PDE1A: variants seen among roughly 807,000 people sequenced by gnomAD.
PDE1A encodes phosphodiesterase 1A.
PDE1A carries 35 observed loss-of-function variants against 61.7 expected under a neutral mutation model. That is an observed-to-expected ratio of 0.57 (90% CI 0.43 to 0.75). PDE1A has a LOEUF of 0.75. PDE1A is among the 30% of genes least tolerant of loss of function. PDE1A has a pLI of 0.00. For synonymous variants in PDE1A, 232 were observed against 213.2 expected (o/e 1.09, Z -0.77); for missense variants, 597 against 630.6 (o/e 0.95, Z 0.57).
At chr2:182,208,889 G>A (rs182080657) in intron 7 of PDE1A, among the ~76,000 whole-genome samples, 58 of 152,250 alleles carry the variant, frequency 3.8e-4, no homozygotes, top group African/African-American at 1.2e-3. Flanking sequence ...ATTATATCTC[G>A]GAAGTAACTA....
the PDE1A span, among the ~76,000 whole-genome samples, chr2:182,583,723 T>A: frequency 6.6e-6 from 1 of 152,220 alleles, no homozygotes; most frequent in Non-Finnish European, 1.5e-5. Flanking sequence ...TCTGCATTAT[T>A]CACATCAAAA....
At chr2:182,548,794 T>C in the PDE1A span, among the ~76,000 whole-genome samples, 6 of 152,172 alleles carry the variant, frequency 3.9e-5, no homozygotes, top group African/African-American at 1.4e-4. Context: ...TTCCCTCAGA[T>C]AGGTCATGCT....
intron 13 of PDE1A, among the ~76,000 whole-genome samples, chr2:182,176,165 C>A (rs1384714808): frequency 1.4e-5 from 2 of 148,000 alleles, no homozygotes; most frequent in African/African-American, 2.6e-5. Context: ...CTTGGCGATG[C>A]GGGCTCTTTT....
intron 3 of PDE1A, among the ~76,000 whole-genome samples, chr2:182,238,289 G>GAA (rs1690227343): frequency 1.7e-5 from 2 of 117,636 alleles, no homozygotes; most frequent in African/African-American, 3.4e-5. Context: ...AAAAGAAAAA[G>GAA]AAAAAGAAAA....
At chr2:182,520,698 A>T (rs1466357855) in intron 2 of PDE1A, among the ~76,000 whole-genome samples, 5 of 152,008 alleles carry the variant, frequency 3.3e-5, no homozygotes, top group Non-Finnish European at 7.4e-5. Context: ...TAACTACAGG[A>T]AACTAGAAAA....
chr2:182,566,958 C>T, the PDE1A span, among the ~76,000 whole-genome samples: 1 of 152,242 alleles, frequency 6.6e-6, no homozygotes, highest in East Asian at 1.9e-4. Flanking sequence ...TTCATGATAA[C>T]CTTACATATT....
At chr2:182,405,230 T>C (rs141680252) in intron 1 of PDE1A, among the ~76,000 whole-genome samples, 1,941 of 152,296 alleles carry the variant, frequency 0.013, 26 homozygotes, top group South Asian at 0.047. Context: ...GCAAAGCCCT[T>C]CCCTAGGATA....
At chr2:182,251,553 G>A (rs1489287265) in intron 2 of PDE1A, among the ~76,000 whole-genome samples, 1 of 152,218 alleles carries the variant, frequency 6.6e-6, no homozygotes, top group Non-Finnish European at 1.5e-5. Flanking sequence ...AAGTCTGGGA[G>A]TGAGGCCCAG....
chr2:182,693,160 T>C, the PDE1A span, among the ~76,000 whole-genome samples: 1 of 152,152 alleles, frequency 6.6e-6, no homozygotes, highest in East Asian at 1.9e-4. Context: ...CCTATGAATC[T>C]TTGTTTCAAA....
chr2:182,577,962 AAGGAAGGAAG>A, the PDE1A span, among the ~76,000 whole-genome samples: 7 of 147,066 alleles, frequency 4.8e-5, no homozygotes, highest in South Asian at 1.6e-3. Flanking sequence ...GGAAGGAAGG[AAGGAAGGAAG>A]GAAGGAAGGA....
At chr2:182,365,507 T>C (rs1699786164) in intron 1 of PDE1A, among the ~76,000 whole-genome samples, 1 of 151,988 alleles carries the variant, frequency 6.6e-6, no homozygotes, top group African/African-American at 2.4e-5. Context: ...AACTTCTCAG[T>C]CACAAAATGG....
intron 1 of PDE1A, among the ~76,000 whole-genome samples, chr2:182,310,496 G>T (rs952013299): frequency 6.6e-6 from 1 of 151,904 alleles, no homozygotes; most frequent in Admixed American, 6.6e-5. Flanking sequence ...ACTCATTTAG[G>T]GCTTTATAAA....
chr2:182,426,583 G>A (rs1435440055), exon 1 of PDE1A: 1 of 1,607,436 alleles, frequency 6.2e-7, no homozygotes, highest in South Asian at 1.1e-5. Flanking sequence ...CTTACCTAAA[G>A]ATGGGTCTTT....
chr2:182,306,142 C>T (rs913033960), intron 1 of PDE1A, among the ~76,000 whole-genome samples: 1 of 151,944 alleles, frequency 6.6e-6, no homozygotes, highest in South Asian at 2.1e-4. Context: ...TTAGTTTTTC[C>T]TTGCCTGGCT....
chr2:182,342,457 G>C (rs1016637497), intron 1 of PDE1A, among the ~76,000 whole-genome samples: 1 of 152,200 alleles, frequency 6.6e-6, no homozygotes, highest in Non-Finnish European at 1.5e-5. Context: ...GCAAAGGAGG[G>C]AGGATCACGA....
Position 182,210,195 on chromosome 2 carries a change from T to C in PDE1A, c.777-4130A>G, listed in dbSNP as rs191868161. Among the ~76,000 whole-genome samples, 518 of 152,356 alleles carry C rather than the reference T, an allele frequency of 3.4e-3. 2 individuals are homozygous for C. The highest frequency in any genetic ancestry group is 0.012 in the African/African-American group (504 of 41,582). Reference sequence around the variant, plus strand: ...TCATGGATCATATGGTAAGAGTAGTTTCAATTTTGTAATAAATTGGTAAAC... The same window carrying C: ...TCATGGATCATATGGTAAGAGTAGTCTCAATTTTGTAATAAATTGGTAAAC... On this transcript the variant is annotated intron_variant, in intron 7 of 13. Transcript: ENST00000351439.
At chr2:182,294,967 G>C (rs1036201108) in intron 1 of PDE1A, among the ~76,000 whole-genome samples, 1 of 151,066 alleles carries the variant, frequency 6.6e-6, no homozygotes, top group Non-Finnish European at 1.5e-5. Context: ...CCAGAGCTGA[G>C]TGCCCCAGTT....
chr2:182,558,192 T>G, the PDE1A span, among the ~76,000 whole-genome samples: 1 of 152,060 alleles, frequency 6.6e-6, no homozygotes, highest in East Asian at 1.9e-4. Flanking sequence ...TCACTGGATG[T>G]GCAGGATTCT....
At chr2:182,469,243 C>T (rs1167453933) in intron 2 of PDE1A, among the ~76,000 whole-genome samples, 1 of 151,950 alleles carries the variant, frequency 6.6e-6, no homozygotes, top group East Asian at 1.9e-4. Context: ...CACTGAAAAT[C>T]TGTTGTTTAG....
Sources: gnomAD v4.1 joint callset for allele counts (sites outside exome capture counted in the v4.1 genomes callset) on GRCh38, gnomAD v4.1.1 for gene constraint, MANE v1.5 for transcripts, NCBI Gene and HGNC (gene_info 2026-07-23, HGNC 2026-07-21) for gene names.